Variants in NAV2 observed in about 807,000 individuals in gnomAD.
The protein encoded by NAV2 is neuron navigator 2, also known as helicase, APC down-regulated 1.
In NAV2, 54 loss-of-function variants were observed where a neutral mutation model predicts 223.2. That is an observed-to-expected ratio of 0.24 (90% CI 0.19 to 0.30). The LOEUF (loss-of-function observed/expected upper bound fraction) is 0.30, where lower values mean the gene tolerates loss of function less well. Ranked by LOEUF, NAV2 falls within the 10% of genes least tolerant of loss-of-function variation. NAV2 has a pLI of 1.00. For synonymous variants in NAV2, 1,279 were observed against 1,239.3 expected (o/e 1.03, Z -0.67); for missense variants, 2,806 against 3,147.5 (o/e 0.89, Z 2.60).
intron 11 of NAV2, among the ~76,000 whole-genome samples, chr11:19,990,551 T>C (rs1670282486): frequency 6.6e-6 from 1 of 151,946 alleles, no homozygotes; most frequent in African/African-American, 2.4e-5. Context: ...CCCTCTCTAC[T>C]TGTTATGTAC....
chr11:19,811,745 A>G (rs1394135442), intron 1 of NAV2, among the ~76,000 whole-genome samples: 1 of 152,206 alleles, frequency 6.6e-6, no homozygotes, highest in Non-Finnish European at 1.5e-5. Context: ...TGCTTTTGCT[A>G]AAGTTTTATG....
intron 1 of NAV2, among the ~76,000 whole-genome samples, chr11:19,442,257 G>T (rs11025137): frequency 6.6e-5 from 10 of 152,146 alleles, no homozygotes; most frequent in African/African-American, 2.2e-4. Flanking sequence ...GTTGAGGAAA[G>T]GGGGCTGGCC....
At chr11:19,427,672 A>G (rs928459464) in intron 1 of NAV2, among the ~76,000 whole-genome samples, 1 of 152,232 alleles carries the variant, frequency 6.6e-6, no homozygotes, top group East Asian at 1.9e-4. Context: ...AGCCATGCCA[A>G]CAGTGTATTA....
intron 37 of NAV2, 50 bp from the exon 38 acceptor site, chr11:20,118,083 G>A: frequency 6.2e-7 from 1 of 1,607,480 alleles, no homozygotes; most frequent in South Asian, 1.1e-5. Flanking sequence ...GTCCAGGGTG[G>A]GCGGCCAACT....
chr11:19,760,045 TGA>T (rs755762431), intron 1 of NAV2: 1 of 153,602 alleles, frequency 6.5e-6, no homozygotes, highest in Admixed American at 6.5e-5. Flanking sequence ...CTCTATTTTC[TGA>T]GAGAGGCAAA....
At chr11:19,717,191 G>A (rs752377525) in intron 1 of NAV2, among the ~76,000 whole-genome samples, 6 of 152,250 alleles carry the variant, frequency 3.9e-5, no homozygotes, top group Non-Finnish European at 8.8e-5. Context: ...CTGGCTTTGA[G>A]GCCTGCGGTC....
chr11:19,389,407 C>T (rs74768221), intron 1 of NAV2, among the ~76,000 whole-genome samples: 6,290 of 152,292 alleles, frequency 0.041, 412 homozygotes, highest in African/African-American at 0.14. Context: ...TCTTTCCCAA[C>T]GTGTCTTATA....
intron 1 of NAV2, chr11:19,511,354 C>T (rs935205394): frequency 6.6e-6 from 1 of 152,108 alleles, no homozygotes; most frequent in African/African-American, 2.4e-5. Flanking sequence ...GTGAAATGTC[C>T]AAAATAGACC....
chr11:19,723,535 T>C (rs2050949021), intron 1 of NAV2, among the ~76,000 whole-genome samples: 2 of 152,244 alleles, frequency 1.3e-5, no homozygotes, highest in Admixed American at 6.5e-5. Context: ...CTCCTCTTCT[T>C]GGAGCCTACT....
chr11:20,002,683 A>G (rs554720634), intron 11 of NAV2, among the ~76,000 whole-genome samples: 101 of 152,234 alleles, frequency 6.6e-4, no homozygotes, highest in African/African-American at 2.3e-3. Flanking sequence ...GTTGAAGGCC[A>G]ACCACTTGTT....
At chr11:19,477,958 T>C (rs1190487631) in intron 1 of NAV2, among the ~76,000 whole-genome samples, 1 of 152,216 alleles carries the variant, frequency 6.6e-6, no homozygotes. Flanking sequence ...AAATGCAATG[T>C]CATTCAATAC....
intron 26 of NAV2, among the ~76,000 whole-genome samples, chr11:20,085,298 T>G (rs1259510148): frequency 6.6e-6 from 1 of 152,160 alleles, no homozygotes; most frequent in Non-Finnish European, 1.5e-5. Flanking sequence ...ACTTTCACTC[T>G]GAAGGCCCCA....
chr11:19,411,000 T>G (rs1305765999), intron 1 of NAV2, among the ~76,000 whole-genome samples: 1 of 152,152 alleles, frequency 6.6e-6, no homozygotes, highest in Non-Finnish European at 1.5e-5. Flanking sequence ...ACACCTCTGT[T>G]GCATGGGAAA....
At chr11:19,995,207 G>A (rs1458012553) in intron 11 of NAV2, among the ~76,000 whole-genome samples, 10 of 152,216 alleles carry the variant, frequency 6.6e-5, no homozygotes, top group Admixed American at 6.5e-4. Flanking sequence ...TTGAGCTCCT[G>A]TAAGTCAGTG....
At chr11:19,819,714 T>G (rs1336841788) in intron 1 of NAV2, among the ~76,000 whole-genome samples, 3 of 152,210 alleles carry the variant, frequency 2.0e-5, no homozygotes, top group Admixed American at 2.0e-4. Context: ...TGCTAAGCAC[T>G]TTACAAACAC....
At chr11:19,477,511 A>G (rs1391212006) in intron 1 of NAV2, among the ~76,000 whole-genome samples, 5 of 152,196 alleles carry the variant, frequency 3.3e-5, no homozygotes, top group Admixed American at 6.5e-5. Context: ...TTGCATTCAG[A>G]CGGAACTGGG....
chr11:19,361,831 T>C (rs1339712047), intron 1 of NAV2, among the ~76,000 whole-genome samples: 1 of 152,178 alleles, frequency 6.6e-6, no homozygotes, highest in Non-Finnish European at 1.5e-5. Flanking sequence ...CTGGAGTATC[T>C]TCCCATTTGG....
chr11:20,036,156 G>A (rs2056347881), intron 12 of NAV2, 59 bp downstream of exon 12: 3 of 1,607,322 alleles, frequency 1.9e-6, no homozygotes, highest in Admixed American at 3.3e-5. Context: ...GGGAACCTTG[G>A]GCTTGTGGGG....
Position 19,856,088 on chromosome 11 carries a change from T to C in NAV2, c.439-12837T>C, listed in dbSNP as rs59040561. On this transcript the variant is annotated intron_variant, in intron 3 of 37. Transcript: ENST00000349880. ...TTTACCTACAAAAATGGCAATTTTA[T>C]CTAGTTCAACCAAAGATTTGGCAAA... Among the ~76,000 whole-genome samples the C allele has an allele frequency of 5.6e-3, 849 of 152,314 alleles. 12 individuals are homozygous for C. The highest frequency in any genetic ancestry group is 0.019 in the African/African-American group (805 of 41,550).
Sources: gnomAD v4.1 joint callset for allele counts (sites outside exome capture counted in the v4.1 genomes callset) on GRCh38, gnomAD v4.1.1 for gene constraint, MANE v1.5 for transcripts, NCBI Gene and HGNC (gene_info 2026-07-23, HGNC 2026-07-21) for gene names.